RRP12: variants seen among roughly 807,000 people sequenced by gnomAD.
RRP12 encodes RRP12-like protein.
In RRP12, 78 loss-of-function variants were observed where a neutral mutation model predicts 157.3. The observed-to-expected ratio is 0.50, with a 90% CI of 0.41 to 0.60. The LOEUF (loss-of-function observed/expected upper bound fraction) is 0.60, where lower values mean the gene tolerates loss of function less well. RRP12 is among the 20% of genes least tolerant of loss of function. The pLI, the probability that RRP12 is intolerant of heterozygous loss-of-function variation, is 0.00. For synonymous variants in RRP12, 726 were observed against 670.9 expected (o/e 1.08, Z -1.27); for missense variants, 1,521 against 1,679.9 (o/e 0.91, Z 1.65).
At position 97,356,944 on chromosome 10, in the gene RRP12, T is replaced by G; in HGVS notation, c.*150A>C. On this transcript the variant is annotated 3_prime_UTR_variant, in exon 34 of 34. Transcript: ENST00000370992. Reference sequence around the variant, plus strand: ...GTGATTCCATTTGGAGTTTCCAAAATCCAGGACTTCTGAGAGCCAAGCCCT... The same window carrying G: ...GTGATTCCATTTGGAGTTTCCAAAAGCCAGGACTTCTGAGAGCCAAGCCCT... 1 of 573,168 alleles carries G rather than the reference T, an allele frequency of 1.7e-6. No homozygotes were observed. The highest frequency in any genetic ancestry group is 2.1e-5 in the South Asian group (1 of 46,700). 35.5% of individuals were successfully genotyped at this position (573,168 alleles called of 1,614,324 possible). A position where few individuals can be genotyped will look rare whatever the true frequency, so the allele number is the denominator to read the frequency against.
intron 11 of RRP12, 95 bp downstream of exon 11, chr10:97,381,620 G>T: frequency 7.9e-7 from 1 of 1,271,184 alleles, no homozygotes; most frequent in South Asian, 1.3e-5. Flanking sequence ...GGCCTCTCTG[G>T]GCCCGAGCTG....
chr10:97,380,779 C>T lies in RRP12; in HGVS notation c.1533+20G>A, dbSNP rs771908944. The T allele has an allele frequency of 5.1e-6, 8 of 1,583,004 alleles. No homozygotes were observed. Among genetic ancestry groups the T allele is most frequent in the Non-Finnish European group, 6.9e-6 (8 of 1,151,554 alleles). On this transcript the variant is annotated intron_variant, in intron 13 of 33. Transcript: ENST00000370992. ...AGCCAGCACCACTTCCTGCCCTGGC[C>T]CCAGCCGCTCCCCACTCACCTTCCT...
chr10:97,367,123 T>C lies in RRP12; in HGVS notation c.2965A>G (p.Ile989Val). The change falls in exon 26 of 34, where the codon ATT becomes GTT. Residue 989 changes from isoleucine to valine, a missense_variant. Physicochemically the swap from Ile to Val is conservative, Grantham distance 29. Coordinates refer to ENST00000370992, the MANE Select transcript of RRP12 (RefSeq NM_015179.4). The stretch of plus-strand genomic sequence containing the variant: ...CGCATGTCATCTGAAAGCTTCCCAA[T>C]GGCTTCCATCTGCCGGACAGAGCAC... ...AKHVQLVMEA[I>V]GKLSDDMRRH... 6.2e-7 allele frequency: 1 copy of C among 1,614,104 alleles called. No homozygotes were observed. Among genetic ancestry groups the C allele is most frequent in the Non-Finnish European group, 8.5e-7 (1 of 1,179,976 alleles).
intron 29 of RRP12, 51 bp downstream of exon 29, chr10:97,366,057 C>A (rs777221014): frequency 6.3e-7 from 1 of 1,598,736 alleles, no homozygotes; most frequent in Non-Finnish European, 8.5e-7. Flanking sequence ...AAGTGATCAC[C>A]GAAGGAATAA....
chr10:97,366,323 C>T (rs1843978655), intron 28 of RRP12, 90 bp from the exon 29 acceptor site: 2 of 1,572,052 alleles, frequency 1.3e-6, no homozygotes, highest in South Asian at 2.3e-5. Flanking sequence ...TCAGGGATCC[C>T]AAACGGGCGC....
chr10:97,373,425 T>A, intron 17 of RRP12, 150 bp downstream of exon 17: 1 of 1,024,458 alleles, frequency 9.8e-7, no homozygotes, highest in Non-Finnish European at 1.4e-6. Context: ...AGCAAAGTTA[T>A]CCCCTGGGGT....
chr10:97,371,398 C>A, intron 20 of RRP12: 1 of 367,348 alleles, frequency 2.7e-6, no homozygotes, highest in South Asian at 4.2e-5. Flanking sequence ...AGCCGGAGCA[C>A]TCTTCTCTCT....
chr10:97,388,225 T>C (rs763352231), intron 8 of RRP12, 27 bp downstream of exon 8: 1 of 1,613,158 alleles, frequency 6.2e-7, no homozygotes, highest in Non-Finnish European at 8.5e-7. Context: ...AGGTCCCCCT[T>C]TCTCCAGCTT....
chr10:97,364,005 C>A, intron 29 of RRP12, 102 bp from the exon 30 acceptor site: 9 of 993,854 alleles, frequency 9.1e-6, no homozygotes, highest in Non-Finnish European at 1.5e-5. Context: ...GGGCCACCAA[C>A]TCCGGCCCCA....
intron 18 of RRP12, 57 bp from the exon 19 acceptor site, chr10:97,372,860 C>T (rs527952942): frequency 2.7e-6 from 4 of 1,504,810 alleles, no homozygotes; most frequent in Non-Finnish European, 3.6e-6. Context: ...CGAAAGAAAG[C>T]AGCAATGGCA....
Position 97,400,481 on chromosome 10 carries a change from C to T in RRP12, c.193G>A (p.Gly65Arg). Residue 65 changes from glycine (G) to arginine (R), a missense_variant, in exon 2 of 34, where the codon GGG (glycine) becomes AGG (arginine). Gly to Arg is a moderately radical substitution (Grantham distance 125). Coordinates refer to ENST00000370992, the MANE Select transcript of RRP12 (RefSeq NM_015179.4). ...AVKLHNELQSGSLRLGKSEAP... is the reference protein window; with the variant it reads ...AVKLHNELQSRSLRLGKSEAP... ...TCGCTTTTGCCCAAGCGCAAGGACCCTGACTGCAGCTCATTATGTAACTTC... is the reference window on the plus strand; with the variant it reads ...TCGCTTTTGCCCAAGCGCAAGGACCTTGACTGCAGCTCATTATGTAACTTC... The T allele has an allele frequency of 6.2e-7, 1 of 1,614,108 alleles. No individual in the cohort carries two copies. The highest frequency in any genetic ancestry group is 2.2e-5 in the East Asian group (1 of 44,882).
chr10:97,392,487 T>C (rs1324321308), intron 4 of RRP12, among the ~76,000 whole-genome samples: 1 of 152,048 alleles, frequency 6.6e-6, no homozygotes, highest in Admixed American at 6.6e-5. Flanking sequence ...GTAGCTGGGA[T>C]TACAGGCATG....
intron 20 of RRP12, chr10:97,371,706 A>C (rs946757374): frequency 4.8e-6 from 1 of 208,510 alleles, no homozygotes; most frequent in Non-Finnish European, 9.9e-6. Context: ...AGGGCCTGTT[A>C]TATCAGGGAG....
intron 31 of RRP12, among the ~76,000 whole-genome samples, chr10:97,359,991 TG>T (rs1055883428): frequency 6.6e-6 from 1 of 152,186 alleles, no homozygotes; most frequent in African/African-American, 2.4e-5. Context: ...TGCAAGGGCT[TG>T]GGGGCAGGGG....
rs746061843 is a variant in RRP12 at position 97,396,205 on chromosome 10, G to A, written c.453+13C>T. On this transcript the variant is annotated intron_variant, in intron 3 of 33. Coordinates refer to ENST00000370992, the MANE Select transcript of RRP12 (RefSeq NM_015179.4). ...CTGCTCTGAACACCCACCCTCCAGT[G>A]GCACCCACTCACCAGAGCAGCGAAG... 5.0e-6 allele frequency: 8 copies of A among 1,594,922 alleles called. No homozygotes were observed. The African/African-American group carries it at 5.4e-5, about 11-fold the overall frequency.
chr10:97,394,049 C>CTA (rs1045792977), intron 3 of RRP12, among the ~76,000 whole-genome samples: 3 of 152,124 alleles, frequency 2.0e-5, no homozygotes, highest in Non-Finnish European at 4.4e-5. Context: ...ATAATTAAAA[C>CTA]TATATATATG....
At chr10:97,366,344 T>A in intron 28 of RRP12, 102 bp downstream of exon 28, 1 of 1,559,798 alleles carries the variant, frequency 6.4e-7, no homozygotes, top group African/African-American at 1.4e-5. Flanking sequence ...CTCTCAGCCC[T>A]GTCCATGGGC....
In RRP12 at chr10:97,367,691, T is replaced by C. The variant is rs541772697; in HGVS notation, c.2956-559A>G. 1.6e-3 allele frequency among the ~76,000 whole-genome samples: 242 copies of C among 152,300 alleles called. 1 individual carries two copies. Among genetic ancestry groups the C allele is most frequent in the Non-Finnish European group, 2.7e-3 (184 of 68,036 alleles). ...TACATGTGCAGGTGGCAGATCTTCT[T>C]ATCTCCAGTGACTCCCAAACCGGCT... On this transcript the variant is annotated intron_variant, in intron 25 of 33. Transcript: ENST00000370992.
At chr10:97,397,727 A>T (rs1845006855) in intron 2 of RRP12, among the ~76,000 whole-genome samples, 1 of 151,518 alleles carries the variant, frequency 6.6e-6, no homozygotes, top group African/African-American at 2.4e-5. Flanking sequence ...TGGGAGGCTC[A>T]GGTGGGCAGA....
Sources: gnomAD v4.1 joint callset for allele counts (sites outside exome capture counted in the v4.1 genomes callset) on GRCh38, gnomAD v4.1.1 for gene constraint, MANE v1.5 for transcripts, NCBI Gene and HGNC (gene_info 2026-07-23, HGNC 2026-07-21) for gene names.